The following TLK2 variants were observed in gnomAD, a reference collection of about 807,000 sequenced individuals.
TLK2 encodes tousled like kinase 2, also known as serine/threonine-protein kinase tousled-like 2.
In TLK2, 6 loss-of-function variants were observed where a neutral mutation model predicts 117.3. The observed-to-expected ratio is 0.05, with a 90% CI of 0.03 to 0.10. The LOEUF is 0.10. Among genes scored for constraint, TLK2 ranks in the 10% least tolerant of loss-of-function variants. TLK2 has a pLI of 1.00. For missense variants in TLK2, 299 were observed against 901.2 expected, an observed-to-expected ratio of 0.33 and a Z score of 8.56; for synonymous variants, 257 against 316.7, an observed-to-expected ratio of 0.81 and a Z score of 2.00.
chr17:62,533,367 G>GGGGTGT (rs1555621837), intron 6 of TLK2, among the ~76,000 whole-genome samples: 3 of 111,122 alleles, frequency 2.7e-5, no homozygotes, highest in East Asian at 2.3e-4. Context: ...TCCTATACGG[G>GGGGTGT]GTGTGTGTGT....
At chr17:62,603,297 G>A (rs534739607) in intron 19 of TLK2, among the ~76,000 whole-genome samples, 2 of 152,288 alleles carry the variant, frequency 1.3e-5, no homozygotes, top group African/African-American at 4.8e-5. Context: ...CTTACTGCTT[G>A]TGGAAATGGT....
At chr17:62,509,289 A>G (rs548264696) in intron 2 of TLK2, among the ~76,000 whole-genome samples, 38 of 152,206 alleles carry the variant, frequency 2.5e-4, no homozygotes, top group African/African-American at 7.2e-4. Flanking sequence ...GGATCTTGCT[A>G]TGCTGCCCAA....
intron 2 of TLK2, among the ~76,000 whole-genome samples, chr17:62,490,434 G>A (rs929279237): frequency 1.3e-5 from 2 of 152,174 alleles, no homozygotes; most frequent in African/African-American, 4.8e-5. Flanking sequence ...TCTAATGTAT[G>A]GGGTGGCTTT....
chr17:62,486,259 C>G (rs1484783359), intron 2 of TLK2, among the ~76,000 whole-genome samples: 1 of 152,014 alleles, frequency 6.6e-6, no homozygotes, highest in Non-Finnish European at 1.5e-5. Context: ...CAGGTTCAAG[C>G]GATTCTCTTG....
intron 19 of TLK2, among the ~76,000 whole-genome samples, chr17:62,602,992 GTC>G (rs1555662034): frequency 6.6e-6 from 1 of 152,088 alleles, no homozygotes; most frequent in Non-Finnish European, 1.5e-5. Flanking sequence ...CCAAATACAA[GTC>G]TCTCTTCCTG....
intron 2 of TLK2, among the ~76,000 whole-genome samples, chr17:62,494,097 T>C (rs1357325436): frequency 6.6e-6 from 1 of 152,192 alleles, no homozygotes; most frequent in Non-Finnish European, 1.5e-5. Context: ...TTTTGTTTTG[T>C]TTTTGAGACA....
At position 62,480,789 on chromosome 17, in the gene TLK2, C is replaced by G. The variant is rs552186328; in HGVS notation, c.-5-332C>G. ...ATAGAAGGAATTTTCTTTTTGCAGG[C>G]TAGTTCTTGTTTTGTTCTTTCCCCT... is the stretch of plus-strand genomic sequence containing the variant. On this transcript the variant is annotated intron_variant, in intron 1 of 21. Transcript: ENST00000346027. Among the ~76,000 whole-genome samples the G allele has an allele frequency of 1.5e-4, 23 of 152,234 alleles. No individual in the cohort carries two copies. In the South Asian group the frequency reaches 4.8e-3, roughly 32 times the overall value.
At chr17:62,559,470 T>G (rs1177845896) in intron 9 of TLK2, among the ~76,000 whole-genome samples, 1 of 151,832 alleles carries the variant, frequency 6.6e-6, no homozygotes, top group Non-Finnish European at 1.5e-5. Context: ...TCTTCGCCTT[T>G]GAGTTCAAGC....
intron 7 of TLK2, among the ~76,000 whole-genome samples, chr17:62,546,344 G>GTTTTGTTTTTTTTT (rs71155938): frequency 4.3e-5 from 1 of 23,346 alleles, no homozygotes; most frequent in Non-Finnish European, 9.6e-5. Context: ...TTTGTTGATT[G>GTTTTGTTTTTTTTT]TTTTTTTTTT....
intron 10 of TLK2, among the ~76,000 whole-genome samples, chr17:62,562,304 G>A (rs2079352391): frequency 1.3e-5 from 2 of 152,158 alleles, no homozygotes; most frequent in Admixed American, 1.3e-4. Flanking sequence ...AGATTGCAGT[G>A]AGCCTGAGAT....
At chr17:62,586,989 C>T (rs1414565326) in intron 16 of TLK2, among the ~76,000 whole-genome samples, 1 of 152,004 alleles carries the variant, frequency 6.6e-6, no homozygotes, top group Non-Finnish European at 1.5e-5. Flanking sequence ...GTGCTATGTT[C>T]TCCTCCCGGT....
chr17:62,602,433 AATGT>A (rs1178545597), intron 19 of TLK2, among the ~76,000 whole-genome samples: 43 of 152,150 alleles, frequency 2.8e-4, no homozygotes, highest in Non-Finnish European at 5.9e-4. Context: ...AGGTATTTGA[AATGT>A]ATGTTTTTTG....
chr17:62,477,496 G>C (rs1280709519), upstream of TLK2: 2 of 152,202 alleles, frequency 1.3e-5, no homozygotes, highest in African/African-American at 2.4e-5. Flanking sequence ...GTTTCGGCAG[G>C]TCTGTGTTCT....
intron 14 of TLK2, among the ~76,000 whole-genome samples, chr17:62,579,608 T>C (rs1252047343): frequency 6.6e-6 from 1 of 152,204 alleles, no homozygotes; most frequent in Non-Finnish European, 1.5e-5. Flanking sequence ...GAGTCTAATA[T>C]GGGGAACACA....
At chr17:62,492,418 C>T (rs2073195727) in intron 2 of TLK2, among the ~76,000 whole-genome samples, 1 of 151,798 alleles carries the variant, frequency 6.6e-6, no homozygotes, top group Non-Finnish European at 1.5e-5. Context: ...GTTTTCTAGT[C>T]CTAACTAGAT....
At chr17:62,546,341 A>ATTTTTTTTTTTTTTTTTTTTTTTTT (rs1385208928) in intron 7 of TLK2, among the ~76,000 whole-genome samples, 1 of 8,866 alleles carries the variant, frequency 1.1e-4, no homozygotes, top group Non-Finnish European at 4.1e-4. Context: ...GAGTTTGTTG[A>ATTTTTTTTTTTTTTTTTTTTTTTTT]TTGTTTTTTT....
chr17:62,540,149 G>T (rs1467369154), intron 7 of TLK2, among the ~76,000 whole-genome samples: 31 of 138,778 alleles, frequency 2.2e-4, no homozygotes, highest in African/African-American at 8.3e-4. Flanking sequence ...TGTTACCTAG[G>T]CTGTTCTTGA....
At chr17:62,473,689 G>C (rs2070983936) in intron 1 of TLK2, among the ~76,000 whole-genome samples, 1 of 152,192 alleles carries the variant, frequency 6.6e-6, no homozygotes, top group South Asian at 2.1e-4. Context: ...GTAGAGGTTG[G>C]AAAACTACCT....
At chr17:62,527,415 A>G (rs1356818443) in intron 6 of TLK2, among the ~76,000 whole-genome samples, 1 of 152,140 alleles carries the variant, frequency 6.6e-6, no homozygotes. Flanking sequence ...CACAAACTCT[A>G]CAAGCACAAG....
Sources: allele counts gnomAD v4.1 joint callset (sites outside exome capture counted in the v4.1 genomes callset), GRCh38; gene constraint gnomAD v4.1.1; transcripts MANE v1.5; gene names NCBI Gene and HGNC (gene_info 2026-07-23, HGNC 2026-07-21).